The following MACROD2 variants were observed in gnomAD, a reference collection of about 807,000 sequenced individuals.
MACROD2 encodes the protein ADP-ribose glycohydrolase MACROD2.
A neutral mutation model predicts 70.4 loss-of-function variants in MACROD2; 36 were observed. The ratio of observed to expected loss-of-function variants is 0.51; its 90% CI spans 0.39 to 0.68. The LOEUF (loss-of-function observed/expected upper bound fraction) is 0.68, where lower values mean the gene tolerates loss of function less well. Ranked by LOEUF, MACROD2 falls within the 30% of genes least tolerant of loss-of-function variation. MACROD2 has a pLI of 0.00. For missense variants in MACROD2, 496 were observed against 538.4 expected (o/e 0.92, Z 0.78); for synonymous variants, 172 against 178.8 (o/e 0.96, Z 0.30).
intron 8 of MACROD2, among the ~76,000 whole-genome samples, chr20:15,521,889 C>G (rs193165372): frequency 2.6e-5 from 4 of 152,310 alleles, no homozygotes; most frequent in Non-Finnish European, 5.9e-5. Context: ...GGAGCCAAGT[C>G]AGTTCGTATG....
At chr20:14,021,758 C>T (rs189882441) in intron 2 of MACROD2, among the ~76,000 whole-genome samples, 58 of 152,284 alleles carry the variant, frequency 3.8e-4, no homozygotes, top group African/African-American at 1.4e-3. Flanking sequence ...TTCTAGTTTA[C>T]CTGACAGTCC....
chr20:15,576,559 T>TTTC (rs1385603589), intron 8 of MACROD2, among the ~76,000 whole-genome samples: 10 of 151,628 alleles, frequency 6.6e-5, no homozygotes, highest in Non-Finnish European at 1.2e-4. Context: ...AATGTTTTTT[T>TTTC]TTTTTCTTCC....
At chr20:15,342,679 C>G (rs1457859393) in intron 6 of MACROD2, among the ~76,000 whole-genome samples, 1 of 151,918 alleles carries the variant, frequency 6.6e-6, no homozygotes, top group East Asian at 1.9e-4. Context: ...TACCAGAGGA[C>G]TAAATTACTG....
At chr20:15,217,552 T>C (rs1338406985) in intron 5 of MACROD2, among the ~76,000 whole-genome samples, 1 of 152,196 alleles carries the variant, frequency 6.6e-6, no homozygotes, top group Admixed American at 6.5e-5. Context: ...TTTCTGATAT[T>C]GTCAGCTACT....
At chr20:15,885,626 G>GAAAT in intron 9 of MACROD2, 138 bp from the exon 10 acceptor site, 1 of 734,122 alleles carries the variant, frequency 1.4e-6, no homozygotes, top group Non-Finnish European at 2.0e-6. Flanking sequence ...TAAGACAACA[G>GAAAT]AAATGCATGT....
intron 12 of MACROD2, among the ~76,000 whole-genome samples, chr20:15,953,307 G>A (rs1398940718): frequency 1.3e-5 from 2 of 152,058 alleles, no homozygotes; most frequent in Admixed American, 6.6e-5. Flanking sequence ...TAGCATTATA[G>A]GATGAATATA....
chr20:14,796,932 T>A (rs2072516476), intron 5 of MACROD2, among the ~76,000 whole-genome samples: 1 of 151,962 alleles, frequency 6.6e-6, no homozygotes, highest in South Asian at 2.1e-4. Flanking sequence ...ACATTTTCTC[T>A]TAGATATCTC....
At chr20:15,694,012 A>G (rs1306989839) in intron 8 of MACROD2, among the ~76,000 whole-genome samples, 2 of 152,122 alleles carry the variant, frequency 1.3e-5, no homozygotes, top group Non-Finnish European at 2.9e-5. Context: ...AATAGTCTCC[A>G]ATCTCATCTA....
chr20:15,258,342 C>A (rs2077218271), intron 6 of MACROD2, among the ~76,000 whole-genome samples: 1 of 152,088 alleles, frequency 6.6e-6, no homozygotes, highest in Non-Finnish European at 1.5e-5. Flanking sequence ...CACTCACTCA[C>A]TCCTGAAGGC....
chr20:14,406,426 A>G (rs1051068304), intron 3 of MACROD2, among the ~76,000 whole-genome samples: 1 of 152,172 alleles, frequency 6.6e-6, no homozygotes, highest in Non-Finnish European at 1.5e-5. Flanking sequence ...GGTAGAGAAT[A>G]AGGGAACCTG....
At chr20:15,309,722 T>C (rs1475218304) in intron 6 of MACROD2, among the ~76,000 whole-genome samples, 1 of 152,154 alleles carries the variant, frequency 6.6e-6, no homozygotes, top group Non-Finnish European at 1.5e-5. Context: ...AATATTATAA[T>C]ATTCTATATA....
intron 5 of MACROD2, among the ~76,000 whole-genome samples, chr20:15,229,708 C>G (rs1399495992): frequency 1.3e-5 from 2 of 152,156 alleles, no homozygotes; most frequent in African/African-American, 2.4e-5. Context: ...AAACAATTCA[C>G]TTGTTGGGGA....
At chr20:15,398,186 A>T (rs2045884571) in intron 6 of MACROD2, among the ~76,000 whole-genome samples, 1 of 152,158 alleles carries the variant, frequency 6.6e-6, no homozygotes, top group Admixed American at 6.5e-5. Flanking sequence ...ATTTTTATTT[A>T]CTGAGATTTC....
At chr20:15,956,436 C>A (rs932372248) in intron 12 of MACROD2, among the ~76,000 whole-genome samples, 1 of 152,154 alleles carries the variant, frequency 6.6e-6, no homozygotes, top group Non-Finnish European at 1.5e-5. Flanking sequence ...GGGGAGCTCC[C>A]AGATTCTGTC....
Position 14,515,316 on chromosome 20 carries a change from C to CTGTA in MACROD2, c.301+21810_301+21813dup, listed in dbSNP as rs201870039. On this transcript the variant is annotated intron_variant, in intron 4 of 17. Coordinates refer to ENST00000684519, the MANE Select transcript of MACROD2 (RefSeq NM_001351661.2). ...AGATCCAATATTTCCACTTCTTGCT[C>CTGTA]TGTATACAAAGGAATTGAAATTAGT... Among the ~76,000 whole-genome samples the CTGTA allele has an allele frequency of 6.2e-3, 936 of 152,150 alleles. 17 individuals are homozygous for CTGTA. Among genetic ancestry groups the CTGTA allele is most frequent in the African/African-American group, 0.021 (879 of 41,520 alleles).
intron 5 of MACROD2, among the ~76,000 whole-genome samples, chr20:15,144,116 C>A (rs1453185448): frequency 6.6e-6 from 1 of 152,076 alleles, no homozygotes; most frequent in Non-Finnish European, 1.5e-5. Context: ...ATAAATACTA[C>A]AATTCATGTA....
At chr20:14,630,323 G>C (rs1283327830) in intron 4 of MACROD2, among the ~76,000 whole-genome samples, 1 of 152,148 alleles carries the variant, frequency 6.6e-6, no homozygotes, top group Non-Finnish European at 1.5e-5. Flanking sequence ...CATCTACACC[G>C]ATTTCTATAA....
chr20:15,521,537 A>G (rs1480391562), intron 8 of MACROD2, among the ~76,000 whole-genome samples: 1 of 152,230 alleles, frequency 6.6e-6, no homozygotes, highest in Non-Finnish European at 1.5e-5. Context: ...AAAGTAACGG[A>G]CATGATAAGA....
At chr20:14,909,759 A>G (rs926562732) in intron 5 of MACROD2, among the ~76,000 whole-genome samples, 1 of 152,186 alleles carries the variant, frequency 6.6e-6, no homozygotes, top group Admixed American at 6.5e-5. Flanking sequence ...AAAACAAAAC[A>G]GGAATTTGAA....
Sources: gnomAD v4.1 joint callset for allele counts (sites outside exome capture counted in the v4.1 genomes callset) on GRCh38, gnomAD v4.1.1 for gene constraint, MANE v1.5 for transcripts, NCBI Gene and HGNC (gene_info 2026-07-23, HGNC 2026-07-21) for gene names.